Variants in WDPCP observed in about 807,000 individuals in gnomAD.
WDPCP encodes WD repeat-containing and planar cell polarity effector protein fritz homolog.
A neutral mutation model predicts 93.1 loss-of-function variants in WDPCP; 71 were observed. That is an observed-to-expected ratio of 0.76 (90% confidence interval 0.63 to 0.93). The LOEUF is 0.93. Ranked by LOEUF, WDPCP falls within the 40% of genes least tolerant of loss-of-function variation. The pLI is 0.00. For synonymous variants in WDPCP, 315 were observed against 315.0 expected (o/e 1.00, Z 0.00); for missense variants, 844 against 887.4 (o/e 0.95, Z 0.62).
intron 2 of WDPCP, among the ~76,000 whole-genome samples, chr2:63,722,687 C>T (rs1159111979): frequency 6.8e-6 from 1 of 146,984 alleles, no homozygotes; most frequent in Non-Finnish European, 1.5e-5. Context: ...GCCCGGCCAG[C>T]CGCCCCGTCC....
chr2:63,675,526 G>C (rs973086579), intron 2 of WDPCP, among the ~76,000 whole-genome samples: 2 of 152,066 alleles, frequency 1.3e-5, no homozygotes, highest in Admixed American at 6.6e-5. Context: ...TCGCGGGGTA[G>C]GGGGGTGGCA....
intron 9 of WDPCP, among the ~76,000 whole-genome samples, chr2:63,429,156 TAAAC>T (rs1308103780): frequency 6.6e-6 from 1 of 152,164 alleles, no homozygotes; most frequent in Non-Finnish European, 1.5e-5. Flanking sequence ...CCTATCAGCA[TAAAC>T]AAAAATTAAT....
intron 2 of WDPCP, among the ~76,000 whole-genome samples, chr2:63,677,646 T>C (rs1710440344): frequency 6.6e-6 from 1 of 152,162 alleles, no homozygotes; most frequent in Non-Finnish European, 1.5e-5. Flanking sequence ...TCAGAATAAA[T>C]GCAGTGATAT....
chr2:63,510,304 C>G (rs1416056640), intron 1 of WDPCP, among the ~76,000 whole-genome samples: 1 of 152,188 alleles, frequency 6.6e-6, no homozygotes, highest in Non-Finnish European at 1.5e-5. Context: ...CATAATTCAT[C>G]ACATAAACAA....
chr2:63,379,624 A>G (rs1339714490), intron 11 of WDPCP, among the ~76,000 whole-genome samples: 1 of 152,156 alleles, frequency 6.6e-6, no homozygotes, highest in African/African-American at 2.4e-5. Context: ...TCGAACCTAC[A>G]TGGAATACTC....
chr2:63,409,916 GT>G, intron 9 of WDPCP, among the ~76,000 whole-genome samples: 1 of 152,186 alleles, frequency 6.6e-6, no homozygotes, highest in Non-Finnish European at 1.5e-5. Flanking sequence ...AATAATTGGT[GT>G]TCCTGAGGAA....
intron 12 of WDPCP, among the ~76,000 whole-genome samples, chr2:63,316,161 T>G (rs959368668): frequency 6.6e-6 from 1 of 151,930 alleles, no homozygotes; most frequent in African/African-American, 2.4e-5. Flanking sequence ...AAAAAGAGAT[T>G]AAAAATATAA....
At chr2:63,575,466 T>TA (rs1558832875) in intron 1 of WDPCP, among the ~76,000 whole-genome samples, 1 of 448 alleles carries the variant, frequency 2.2e-3, no homozygotes, top group African/African-American at 3.4e-3. Flanking sequence ...ACAGTATATA[T>TA]GCAGTATATA....
chr2:63,404,026 CTCATCACTTTCCTT>C lies in WDPCP; in HGVS notation c.1435+8_1435+21del. The C allele has an allele frequency of 6.2e-7, 1 of 1,613,748 alleles. No individual in the cohort carries two copies. Among genetic ancestry groups the C allele is most frequent in the Non-Finnish European group, 8.5e-7 (1 of 1,179,870 alleles). On this transcript the variant is annotated splice_region_variant and intron_variant, in intron 10 of 17. Coordinates refer to ENST00000272321, the MANE Select transcript of WDPCP (RefSeq NM_015910.7). ...TATCCTAAACATTTTAATTTACTTACTCATCACTTTCCTTGACTTACCTAGTTTAAACAACAGCA... is the reference window on the plus strand; with the variant it reads ...TATCCTAAACATTTTAATTTACTTACGACTTACCTAGTTTAAACAACAGCA...
intron 1 of WDPCP, among the ~76,000 whole-genome samples, chr2:63,575,447 ACTGTATATACAGTATATATG>A (rs1221639394): frequency 6.0e-5 from 4 of 67,176 alleles, no homozygotes; most frequent in Admixed American, 1.5e-4. Context: ...CAGTGTATAC[ACTGTATATACAGTATATATG>A]CAGTATATAC....
intron 12 of WDPCP, among the ~76,000 whole-genome samples, chr2:63,336,451 CA>C: frequency 6.6e-6 from 1 of 152,146 alleles, no homozygotes; most frequent in Non-Finnish European, 1.5e-5. Context: ...AGGCGGAAAC[CA>C]CTCAGCCATT....
At chr2:63,449,869 A>T (rs1698114884) in intron 6 of WDPCP, among the ~76,000 whole-genome samples, 1 of 152,078 alleles carries the variant, frequency 6.6e-6, no homozygotes, top group Non-Finnish European at 1.5e-5. Context: ...TCCACATCCT[A>T]ACAGCTTCCA....
rs1197942826 is a variant in WDPCP at position 63,736,621 on chromosome 2, G to A, written n.308+77001C>T. Reference sequence around the variant, plus strand: ...GCAGAAATGAAGGAAAAGGGCATCAGTCTCTCAAAATTCTGGCAGGAAAGG... The same window carrying A: ...GCAGAAATGAAGGAAAAGGGCATCAATCTCTCAAAATTCTGGCAGGAAAGG... On this transcript the variant is annotated intron_variant and non_coding_transcript_variant, in intron 2 of 4. Transcript: ENST00000467687. 2.0e-5 allele frequency among the ~76,000 whole-genome samples: 3 copies of A among 152,184 alleles called. No individual in the cohort carries two copies. In the East Asian group the frequency reaches 5.8e-4, roughly 29 times the overall value.
At chr2:63,379,198 T>A (rs1692100190) in intron 11 of WDPCP, among the ~76,000 whole-genome samples, 1 of 152,124 alleles carries the variant, frequency 6.6e-6, no homozygotes, top group Non-Finnish European at 1.5e-5. Flanking sequence ...CTCATGGGAC[T>A]AGGTTTTTTC....
At chr2:63,146,781 A>G (rs1194326009) in intron 17 of WDPCP, among the ~76,000 whole-genome samples, 2 of 152,216 alleles carry the variant, frequency 1.3e-5, no homozygotes, top group East Asian at 1.9e-4. Context: ...AGATGTTTCA[A>G]TGCAATAAAA....
intron 8 of WDPCP, among the ~76,000 whole-genome samples, chr2:63,434,237 G>A (rs1267399473): frequency 1.3e-5 from 2 of 151,620 alleles, no homozygotes; most frequent in Admixed American, 1.3e-4. Flanking sequence ...TTGCCTGACA[G>A]CATCGACCTA....
At chr2:63,486,621 A>G (rs1374921366) in intron 3 of WDPCP, 35 bp from the exon 4 acceptor site, 1 of 1,534,188 alleles carries the variant, frequency 6.5e-7, no homozygotes, top group East Asian at 2.4e-5. Flanking sequence ...AAAGAAAAAA[A>G]CAAAAGTAGA....
chr2:63,521,051 C>T (rs1026950580), intron 1 of WDPCP, among the ~76,000 whole-genome samples: 1 of 152,080 alleles, frequency 6.6e-6, no homozygotes, highest in Admixed American at 6.6e-5. Flanking sequence ...TACAAGAGGT[C>T]CTAAAGGGAG....
intron 6 of WDPCP, chr2:63,441,690 C>T (rs1325096289): frequency 2.0e-5 from 3 of 151,974 alleles, no homozygotes; most frequent in Non-Finnish European, 4.4e-5. Flanking sequence ...ATGGATGTTC[C>T]TTCTGCAGCA....
Sources: gnomAD v4.1 joint callset for allele counts (sites outside exome capture counted in the v4.1 genomes callset) on GRCh38, gnomAD v4.1.1 for gene constraint, MANE v1.5 for transcripts, NCBI Gene and HGNC (gene_info 2026-07-23, HGNC 2026-07-21) for gene names.